AFP: variants seen among roughly 807,000 people sequenced by gnomAD.
AFP encodes alpha fetoprotein, also known as alpha-fetoprotein.
AFP carries 64 observed loss-of-function variants against 78.9 expected under a neutral mutation model. The observed-to-expected ratio is 0.81, with a 90% CI of 0.66 to 1.00. AFP has a LOEUF of 1.00. AFP is among the 50% of genes least tolerant of loss of function. The probability of loss-of-function intolerance (pLI) is 0.00; values close to 1 mark genes in which losing one functional copy is unlikely to be tolerated. For missense variants in AFP, 689 were observed against 703.8 expected (o/e 0.98, Z 0.24); for synonymous variants, 254 against 243.8 (o/e 1.04, Z -0.39).
At chr4:73,447,370 C>A in intron 7 of AFP, 92 bp from the exon 8 acceptor site, 1 of 897,356 alleles carries the variant, frequency 1.1e-6, no homozygotes, top group Non-Finnish European at 1.7e-6. Context: ...CTTCTCCCTC[C>A]CTCCCCTTTC....
chr4:73,455,159 G>T, intron 13 of AFP, 77 bp from the exon 14 acceptor site: 1 of 1,152,714 alleles, frequency 8.7e-7, no homozygotes. Flanking sequence ...AATTCACCCC[G>T]GATTGTAGAG....
chr4:73,444,553 C>T (rs1034752194), intron 6 of AFP, among the ~76,000 whole-genome samples: 4 of 152,134 alleles, frequency 2.6e-5, no homozygotes, highest in Non-Finnish European at 5.9e-5. Flanking sequence ...TTTCTTGTCC[C>T]ATTTCATTGA....
At position 73,444,983 on chromosome 4, in the gene AFP, T is replaced by C; in HGVS notation, c.714-10T>C. On this transcript the variant is annotated splice_polypyrimidine_tract_variant and intron_variant, in intron 6 of 14. Transcript: ENST00000395792. The stretch of plus-strand genomic sequence containing the variant: ...AAGAAATTAATTTCTAATTTCTTTT[T>C]TTTCCCTAGAACTGTTACTAAACTG... 1.9e-6 allele frequency: 3 copies of C among 1,600,294 alleles called. No individual in the cohort carries two copies. Among genetic ancestry groups the C allele is most frequent in the Non-Finnish European group, 2.6e-6 (3 of 1,169,814 alleles).
Position 73,449,372 on chromosome 4 carries a change from G to A in AFP, c.1096G>A (p.Ala366Thr). The part of the protein sequence containing the change: ...HEYSRRHPQL[A>T]VSVILRVAKG... ...ATATTCAAGAAGACATCCTCAGCTTGCTGTCTCAGTAATTCTAAGAGTTGC... is the reference window on the plus strand; with the variant it reads ...ATATTCAAGAAGACATCCTCAGCTTACTGTCTCAGTAATTCTAAGAGTTGC... The change falls in exon 9 of 15, where the codon GCT becomes ACT. Residue 366 changes from alanine (A) to threonine (T), a missense_variant. Transcript: ENST00000395792. 6.2e-7 allele frequency: 1 copy of A among 1,613,264 alleles called. No individual in the cohort carries two copies. Among genetic ancestry groups the A allele is most frequent in the Non-Finnish European group, 8.5e-7 (1 of 1,179,482 alleles).
At chr4:73,448,075 A>T (rs1186816739) in intron 8 of AFP, among the ~76,000 whole-genome samples, 1 of 149,214 alleles carries the variant, frequency 6.7e-6, no homozygotes. Flanking sequence ...TACGCATGTT[A>T]AAAAAAAAAC....
At chr4:73,449,587 G>T in intron 9 of AFP, 120 bp downstream of exon 9, 1 of 1,212,562 alleles carries the variant, frequency 8.2e-7, no homozygotes, top group Non-Finnish European at 1.2e-6. Flanking sequence ...ATATCTATTT[G>T]TCTAGATATT....
intron 9 of AFP, among the ~76,000 whole-genome samples, chr4:73,449,718 T>C (rs1355276399): frequency 1.3e-5 from 2 of 152,204 alleles, no homozygotes; most frequent in Admixed American, 1.3e-4. Flanking sequence ...CAAAAGTCCT[T>C]TGATCCACAA....
Position 73,443,371 on chromosome 4 carries a change from A to T in AFP, c.640A>T (p.Arg214Ter). 1 of 1,613,754 alleles carries T rather than the reference A, an allele frequency of 6.2e-7. No homozygotes were observed. Among genetic ancestry groups the T allele is most frequent in the Non-Finnish European group, 8.5e-7 (1 of 1,179,680 alleles). ...GGCAGCAACAGTTACAAAAGAATTA[A>T]GAGAAAGCAGCTTGTTAAATCAACA... The part of the protein sequence containing the change: ...TKAATVTKEL[R>*]ESSLLNQHAC... Residue 214 changes from arginine to a stop codon, truncating the protein, a stop_gained, in exon 6 of 15, where the codon AGA (arginine) becomes TGA (stop). Transcript: ENST00000395792. LOFTEE classifies it high-confidence loss of function.
intron 12 of AFP, among the ~76,000 whole-genome samples, chr4:73,453,072 T>A (rs973679566): frequency 6.6e-6 from 1 of 152,218 alleles, no homozygotes; most frequent in Non-Finnish European, 1.5e-5. Flanking sequence ...AAATGACATG[T>A]ACATTTCAGT....
rs944997265 is a variant in AFP, at chr4:73,455,641, G to A, written c.*21G>A. Reference sequence around the variant, plus strand: ...TTGCTCATATTGCAGGGGAAGAGAAGACAAAACGAGTCTTTCATTCGGTGT... The same window carrying A: ...TTGCTCATATTGCAGGGGAAGAGAAAACAAAACGAGTCTTTCATTCGGTGT... On this transcript the variant is annotated 3_prime_UTR_variant, in exon 15 of 15. Coordinates refer to ENST00000395792, the MANE Select transcript of AFP (RefSeq NM_001134.3). The A allele has an allele frequency of 8.6e-6, 6 of 695,476 alleles. No homozygotes were observed. The African/African-American group carries it at 8.8e-5, about 10-fold the overall frequency. The allele number at this position is 695,476 out of a possible 1,614,324, so 43.1% of individuals were successfully genotyped here. A position where few individuals can be genotyped will look rare whatever the true frequency, so the allele number is the denominator to read the frequency against.
intron 4 of AFP, 68 bp downstream of exon 4, chr4:73,440,881 T>G (rs992082116): frequency 5.6e-6 from 8 of 1,422,734 alleles, no homozygotes; most frequent in Non-Finnish European, 6.8e-6. Flanking sequence ...AATTTAGTAT[T>G]TTTGCAATGT....
intron 12 of AFP, 46 bp from the exon 13 acceptor site, chr4:73,453,719 T>C: frequency 6.2e-7 from 1 of 1,604,432 alleles, no homozygotes; most frequent in Non-Finnish European, 8.5e-7. Context: ...AAAAATAGCA[T>C]TGCATAACAG....
intron 1 of AFP, 103 bp from the exon 2 acceptor site, chr4:73,437,057 A>G: frequency 1.1e-6 from 1 of 899,264 alleles, no homozygotes; most frequent in Non-Finnish European, 1.8e-6. Context: ...TTAATTCTGA[A>G]ACTGTACAGT....
chr4:73,448,354 G>A (rs552650354), intron 8 of AFP, among the ~76,000 whole-genome samples: 3 of 152,174 alleles, frequency 2.0e-5, no homozygotes, highest in Admixed American at 2.0e-4. Flanking sequence ...GGAGGGATTT[G>A]TGTAGCACTT....
At chr4:73,454,745 T>G (rs1720109259) in intron 13 of AFP, among the ~76,000 whole-genome samples, 2 of 152,168 alleles carry the variant, frequency 1.3e-5, no homozygotes, top group Admixed American at 1.3e-4. Context: ...CATTTGAGTG[T>G]GTGCACTTAC....
intron 7 of AFP, among the ~76,000 whole-genome samples, chr4:73,447,044 G>C (rs1719850062): frequency 6.6e-6 from 1 of 152,096 alleles, no homozygotes; most frequent in East Asian, 1.9e-4. Context: ...TCATTGTATA[G>C]TATGTAACTA....
intron 12 of AFP, among the ~76,000 whole-genome samples, chr4:73,452,981 A>C (rs1157572566): frequency 6.6e-6 from 1 of 152,196 alleles, no homozygotes; most frequent in African/African-American, 2.4e-5. Context: ...GAAACACATC[A>C]TTGAATCTTT....
At chr4:73,442,122 A>G (rs1446777141) in intron 4 of AFP, among the ~76,000 whole-genome samples, 174 bp from the exon 5 acceptor site, 1 of 152,212 alleles carries the variant, frequency 6.6e-6, no homozygotes, top group Non-Finnish European at 1.5e-5. Context: ...AATTTTGACA[A>G]CATGTGGAAA....
At chr4:73,449,972 T>A in intron 9 of AFP, 64 bp from the exon 10 acceptor site, 20 of 1,050,916 alleles carry the variant, frequency 1.9e-5, no homozygotes, top group East Asian at 2.6e-5. Context: ...ATTGATCAAT[T>A]TTATATACAA....
Sources: gnomAD v4.1 joint callset for allele counts (sites outside exome capture counted in the v4.1 genomes callset) on GRCh38, gnomAD v4.1.1 for gene constraint, MANE v1.5 for transcripts, NCBI Gene and HGNC (gene_info 2026-07-23, HGNC 2026-07-21) for gene names.